The following SLC25A26 variants were observed in gnomAD, a reference collection of about 807,000 sequenced individuals.
The protein encoded by SLC25A26 is solute carrier family 25 member 26.
A neutral mutation model predicts 37.8 loss-of-function variants in SLC25A26; 36 were observed. That is an observed-to-expected ratio of 0.95 (90% CI 0.73 to 1.26). SLC25A26 has a LOEUF of 1.26. Ranked by LOEUF, SLC25A26 falls within the 50% of genes most tolerant of loss-of-function variation. SLC25A26 has a pLI of 0.00. For synonymous variants in SLC25A26, 129 were observed against 122.5 expected (o/e 1.05, Z -0.35); for missense variants, 390 against 331.1 (o/e 1.18, Z -1.38).
intron 1 of SLC25A26, among the ~76,000 whole-genome samples, chr3:66,184,717 T>C (rs891257408): frequency 1.2e-4 from 7 of 60,196 alleles, no homozygotes; most frequent in African/African-American, 6.4e-4. Flanking sequence ...TCATCTTGTG[T>C]CCATGATCCT....
intron 1 of SLC25A26, among the ~76,000 whole-genome samples, chr3:66,156,202 C>T (rs758308704): frequency 1.2e-4 from 19 of 152,176 alleles, no homozygotes; most frequent in Admixed American, 3.9e-4. Flanking sequence ...GTGCTGAGCA[C>T]TGGGGTACCA....
intron 9 of SLC25A26, chr3:66,371,537 G>T: frequency 8.0e-7 from 1 of 1,245,336 alleles, no homozygotes. Flanking sequence ...AACTCTGAGG[G>T]ATTGACGTTG....
Position 66,377,978 on chromosome 3 carries a change from A to C in SLC25A26, c.*171A>C. 2 of 573,952 alleles carry C rather than the reference A, an allele frequency of 3.5e-6. No homozygotes were observed. Among genetic ancestry groups the C allele is most frequent in the Admixed American group, 6.0e-5 (2 of 33,562 alleles). The allele number at this position is 573,952 out of a possible 1,614,324, so 35.6% of individuals were successfully genotyped here. A position where few individuals can be genotyped will look rare whatever the true frequency, so the allele number is the denominator to read the frequency against. ...GGTATAGGCTGGCTGGTATGAAGTCATTGGCCTGTATGCCAGAGAGCTAAG... is the reference window on the plus strand; with the variant it reads ...GGTATAGGCTGGCTGGTATGAAGTCCTTGGCCTGTATGCCAGAGAGCTAAG... On this transcript the variant is annotated 3_prime_UTR_variant, in exon 10 of 10. Transcript: ENST00000354883.
chr3:66,342,586 T>C (rs1018690608), intron 5 of SLC25A26, among the ~76,000 whole-genome samples: 1 of 152,228 alleles, frequency 6.6e-6, no homozygotes, highest in Non-Finnish European at 1.5e-5. Flanking sequence ...AAGCATTGAT[T>C]GGCTTCAAAG....
upstream of SLC25A26, among the ~76,000 whole-genome samples, chr3:66,216,109 A>T (rs938609348): frequency 4.1e-4 from 62 of 152,354 alleles, no homozygotes; most frequent in African/African-American, 1.4e-3. Context: ...AGGAGCCATC[A>T]TGACCTAATT....
At chr3:66,251,741 T>G (rs944435435) in intron 3 of SLC25A26, among the ~76,000 whole-genome samples, 3 of 152,176 alleles carry the variant, frequency 2.0e-5, no homozygotes, top group African/African-American at 7.2e-5. Flanking sequence ...TTGTACCCCA[T>G]CTGCATCCTC....
rs985834641 is a variant in SLC25A26 at position 66,258,612 on chromosome 3, AG to A, written c.301-3437del. On this transcript the variant is annotated intron_variant, in intron 3 of 9. Coordinates refer to ENST00000354883, the MANE Select transcript of SLC25A26 (RefSeq NM_001379210.1). ...TATTTTCTAATAGCCACATTAAAAA[AG>A]GTGAAAACATCTGCTGGGATGAATT... 7.7e-4 allele frequency among the ~76,000 whole-genome samples: 117 copies of A among 152,364 alleles called. 1 individual carries two copies. The highest frequency in any genetic ancestry group is 2.7e-3 in the African/African-American group (113 of 41,574).
intron 1 of SLC25A26, among the ~76,000 whole-genome samples, chr3:66,164,095 G>T (rs2070394475): frequency 6.6e-6 from 1 of 152,082 alleles, no homozygotes; most frequent in South Asian, 2.1e-4. Flanking sequence ...TTATATTCCA[G>T]GCCTATTGTA....
At chr3:66,150,971 C>T (rs1259063097) in intron 1 of SLC25A26, among the ~76,000 whole-genome samples, 1 of 151,902 alleles carries the variant, frequency 6.6e-6, no homozygotes, top group Non-Finnish European at 1.5e-5. Flanking sequence ...GGGCAGGTGC[C>T]TAGCACTGTG....
At chr3:66,369,351 A>C (rs1280146359) in intron 7 of SLC25A26, 127 bp from the exon 8 acceptor site, 2 of 740,542 alleles carry the variant, frequency 2.7e-6, no homozygotes, top group East Asian at 5.5e-5. Context: ...GCATGTGTGC[A>C]TCCTGTTCTT....
rs1353267607 is a variant in SLC25A26, at chr3:66,243,278, T to C, written c.266T>C (p.Met89Thr). 1 of 1,608,108 alleles carries C rather than the reference T, an allele frequency of 6.2e-7. No individual in the cohort carries two copies. Among genetic ancestry groups the C allele is most frequent in the Admixed American group, 1.7e-5 (1 of 59,764 alleles). ...HADSSSYLTP[M>T]KHMLAASAGE... ...GATTCATCTTCATATTTGACACCTATGAAACATATGTTGGCTGCCTCTGCT... is the reference window on the plus strand; with the variant it reads ...GATTCATCTTCATATTTGACACCTACGAAACATATGTTGGCTGCCTCTGCT... The change falls in exon 3 of 10, where the codon ATG becomes ACG. Residue 89 changes from methionine (M) to threonine (T), a missense_variant. Physicochemically the swap from Met to Thr is moderately conservative, Grantham distance 81 (BLOSUM62 -1). Transcript: ENST00000354883.
At chr3:66,207,898 G>C (rs1303593697) in intron 1 of SLC25A26, among the ~76,000 whole-genome samples, 1 of 152,132 alleles carries the variant, frequency 6.6e-6, no homozygotes, top group Non-Finnish European at 1.5e-5. Context: ...CAATTGTTGA[G>C]ACAGTTTATC....
chr3:66,369,615 A>T (rs1262922627), intron 8 of SLC25A26, 73 bp downstream of exon 8: 5 of 1,290,846 alleles, frequency 3.9e-6, no homozygotes, highest in Middle Eastern at 1.8e-4. Context: ...ACAGGTGTAT[A>T]AAGTGAACAC....
At chr3:66,224,541 T>C (rs1206827969) in intron 1 of SLC25A26, among the ~76,000 whole-genome samples, 1 of 152,212 alleles carries the variant, frequency 6.6e-6, no homozygotes, top group African/African-American at 2.4e-5. Flanking sequence ...ATTGGAATTA[T>C]GAGAGTTACA....
At chr3:66,319,426 TCG>T (rs1306595664) in intron 5 of SLC25A26, among the ~76,000 whole-genome samples, 1 of 152,168 alleles carries the variant, frequency 6.6e-6, no homozygotes, top group African/African-American at 2.4e-5. Context: ...TTAAAAAACT[TCG>T]CGCGCTTTTA....
At chr3:66,295,971 G>A (rs1329285529) in intron 5 of SLC25A26, among the ~76,000 whole-genome samples, 2 of 151,856 alleles carry the variant, frequency 1.3e-5, no homozygotes, top group Non-Finnish European at 2.9e-5. Flanking sequence ...ACAAAAATTA[G>A]CTGGGCATGG....
At chr3:66,338,424 C>T (rs1047723649) in intron 5 of SLC25A26, among the ~76,000 whole-genome samples, 2 of 151,912 alleles carry the variant, frequency 1.3e-5, no homozygotes, top group African/African-American at 4.8e-5. Context: ...TGTGGTTGCT[C>T]CATATCCTTT....
chr3:66,306,553 A>G lies in SLC25A26; in HGVS notation c.454-39811A>G, dbSNP rs570118701. Among the ~76,000 whole-genome samples, 14 of 152,202 alleles carry G rather than the reference A, an allele frequency of 9.2e-5. No individual in the cohort carries two copies. The South Asian group carries it at 2.9e-3, about 32-fold the overall frequency. On this transcript the variant is annotated intron_variant, in intron 5 of 9. Coordinates refer to ENST00000354883, the MANE Select transcript of SLC25A26 (RefSeq NM_001379210.1). ...TGTGCACAACGTGCAGGTTTGTTAC[A>G]TAGGTATACATGTGCCATGGTGGTT... is the stretch of plus-strand genomic sequence containing the variant.
chr3:66,215,758 T>G (rs1373913914), intron 1 of SLC25A26, among the ~76,000 whole-genome samples: 2 of 152,252 alleles, frequency 1.3e-5, no homozygotes, highest in Non-Finnish European at 2.9e-5. Context: ...TTTATATATT[T>G]ACTACCCTTT....
Sources: allele counts gnomAD v4.1 joint callset (sites outside exome capture counted in the v4.1 genomes callset), GRCh38; gene constraint gnomAD v4.1.1; transcripts MANE v1.5; gene names NCBI Gene and HGNC (gene_info 2026-07-23, HGNC 2026-07-21).